Variants in MCF2 observed in about 807,000 individuals in gnomAD.
MCF2 encodes proto-oncogene DBL.
MCF2 carries 44 observed loss-of-function variants against 82.5 expected under a neutral mutation model. The ratio of observed to expected loss-of-function variants is 0.53; its 90% confidence interval spans 0.42 to 0.69. MCF2 has a LOEUF of 0.69. Ranked by LOEUF, MCF2 falls within the 30% of genes least tolerant of loss-of-function variation. The probability of loss-of-function intolerance (pLI) is 0.00; values close to 1 mark genes in which losing one functional copy is unlikely to be tolerated. For synonymous variants in MCF2, 217 were observed against 224.9 expected (o/e 0.96, Z 0.32); for missense variants, 623 against 663.1 (o/e 0.94, Z 0.66).
intron 12 of MCF2, 34 bp downstream of exon 16, chrX:139,607,657 T>C (rs752249961): frequency 5.1e-6 from 5 of 975,118 alleles, no homozygotes; most frequent in Non-Finnish European, 7.2e-6. Flanking sequence ...CAGTTAGATG[T>C]GTATGTGAGT....
Position 139,651,712 on chromosome X carries a change from T to C in MCF2, c.25+8A>G. 1.8e-6 allele frequency: 2 copies of C among 1,129,128 alleles called. No homozygotes were observed. The highest frequency in any genetic ancestry group is 2.4e-6 in the Non-Finnish European group (2 of 838,179). 93.1% of individuals were successfully genotyped at this position (1,129,128 alleles called of 1,213,427 possible). On this transcript the variant is annotated splice_region_variant and intron_variant, in intron 2 of 27. Coordinates refer to the MCF2 transcript ENST00000414978. ...CTATCTGGACTATATATAAGAAAGT[T>C]TGCTTACCAGACAAGAAGGCGATGT...
In MCF2 at chrX:139,656,916, G is replaced by GAT. The variant is rs57280223; in HGVS notation, c.-44-5130_-44-5129dup. Among the ~76,000 whole-genome samples, 486 of 112,203 alleles carry GAT rather than the reference G, an allele frequency of 4.3e-3. 5 individuals are homozygous for GAT. Among genetic ancestry groups the GAT allele is most frequent in the African/African-American group, 0.015 (460 of 30,923 alleles). ...ATTACAGCATGTTCCTTGTTGACTA[G>GAT]ATTTACGTTTGATAGGAAGGTTGTC... is the stretch of plus-strand genomic sequence containing the variant. On this transcript the variant is annotated intron_variant, in intron 1 of 27. Coordinates refer to the MCF2 transcript ENST00000414978.
chrX:139,645,078 T>C (rs192770261), upstream of MCF2, among the ~76,000 whole-genome samples: 333 of 110,788 alleles, frequency 3.0e-3, 2 homozygotes, highest in Non-Finnish European at 4.8e-3. Flanking sequence ...AGGGAAGTTA[T>C]ATATCATTTT....
chrX:139,630,094 C>A (rs1479081807), intron 3 of MCF2, among the ~76,000 whole-genome samples: 3 of 111,554 alleles, frequency 2.7e-5, no homozygotes, highest in African/African-American at 9.7e-5. Flanking sequence ...TGACTTATTT[C>A]TTGGACACTA....
intron 15 of MCF2, 132 bp from the exon 20 acceptor site, chrX:139,602,630 G>T: frequency 2.3e-6 from 1 of 435,371 alleles, no homozygotes; most frequent in Non-Finnish European, 4.0e-6. Flanking sequence ...ACTAGCAGCT[G>T]GTCAAAAGCC....
chrX:139,705,732 A>G (rs945528942), intron 1 of MCF2, among the ~76,000 whole-genome samples: 2 of 112,356 alleles, frequency 1.8e-5, no homozygotes, highest in African/African-American at 6.5e-5. Flanking sequence ...ATTAAACTAA[A>G]GAGCTTCTGT....
intron 24 of MCF2, among the ~76,000 whole-genome samples, chrX:139,584,249 C>A (rs1386121902): frequency 9.2e-6 from 1 of 108,243 alleles, no homozygotes; most frequent in African/African-American, 3.4e-5. Context: ...GATTCTCCTG[C>A]CTCAGCCTCC....
At chrX:139,613,434 T>G (rs913551733) in intron 10 of MCF2, among the ~76,000 whole-genome samples, 171 bp from the exon 14 acceptor site, 1 of 111,259 alleles carries the variant, frequency 9.0e-6, no homozygotes, top group African/African-American at 3.3e-5. Flanking sequence ...CTAGAAAGAG[T>G]TGAGATTTTA....
chrX:139,587,779 C>A, exon 22 of MCF2: 2 of 1,167,564 alleles, frequency 1.7e-6, no homozygotes, highest in African/African-American at 1.8e-5. Flanking sequence ...CTGTTGCTTT[C>A]TTTTTTTAAC....
At chrX:139,680,250 A>C (rs1363295901) in intron 1 of MCF2, among the ~76,000 whole-genome samples, 2 of 112,039 alleles carry the variant, frequency 1.8e-5, no homozygotes, top group Non-Finnish European at 3.8e-5. Flanking sequence ...AAGCCTTCTG[A>C]GTAGCTAGGA....
chrX:139,646,742 A>G (rs1040476970), upstream of MCF2: 5 of 620,649 alleles, frequency 8.1e-6, no homozygotes, highest in African/African-American at 2.3e-5. Context: ...ATTCAGATGG[A>G]TATCTGATAT....
chrX:139,653,178 C>A (rs1301456663), intron 1 of MCF2, among the ~76,000 whole-genome samples: 1 of 111,882 alleles, frequency 8.9e-6, no homozygotes, highest in Non-Finnish European at 1.9e-5. Context: ...ATAACAGCTA[C>A]AAACATGTGT....
chrX:139,614,338 C>A (rs190417920), intron 10 of MCF2, among the ~76,000 whole-genome samples: 7 of 111,608 alleles, frequency 6.3e-5, no homozygotes, highest in Non-Finnish European at 1.1e-4. Flanking sequence ...TTAGAAAAGG[C>A]AATCCATTTT....
chrX:139,615,013 G>C, exon 10 of MCF2: 1 of 1,208,948 alleles, frequency 8.3e-7, no homozygotes, highest in Non-Finnish European at 1.1e-6. Flanking sequence ...AATATACTTC[G>C]AATGTTTTCA....
At chrX:139,701,538 C>T (rs913180392) in intron 1 of MCF2, among the ~76,000 whole-genome samples, 2 of 111,884 alleles carry the variant, frequency 1.8e-5, no homozygotes, top group African/African-American at 6.5e-5. Flanking sequence ...CCAACTCCTG[C>T]CTGAGAATTT....
At chrX:139,665,918 TATATATATAC>T (rs201543687) in intron 1 of MCF2, among the ~76,000 whole-genome samples, 2,549 of 86,242 alleles carry the variant, frequency 0.03, 108 homozygotes, top group African/African-American at 0.12. Flanking sequence ...TATATATATA[TATATATATAC>T]ACACACACAC....
chrX:139,604,835 TA>T, intron 14 of MCF2, 33 bp downstream of exon 18: 1 of 1,078,160 alleles, frequency 9.3e-7, no homozygotes. Flanking sequence ...AATAGTTTTA[TA>T]AAAAATAAAT....
chrX:139,621,123 G>A (rs1188823737), intron 6 of MCF2, among the ~76,000 whole-genome samples: 2 of 111,119 alleles, frequency 1.8e-5, no homozygotes, highest in Non-Finnish European at 3.8e-5. Flanking sequence ...AACAAATGGT[G>A]CTGAGATAGC....
At chrX:139,650,399 G>C (rs1933958259) in intron 2 of MCF2, among the ~76,000 whole-genome samples, 1 of 111,327 alleles carries the variant, frequency 9.0e-6, no homozygotes, top group African/African-American at 3.3e-5. Flanking sequence ...AGATTGAAGT[G>C]TCTAATTAGG....
Sources: gnomAD v4.1 joint callset for allele counts (sites outside exome capture counted in the v4.1 genomes callset) on GRCh38, gnomAD v4.1.1 for gene constraint, MANE v1.5 for transcripts, NCBI Gene and HGNC (gene_info 2026-07-23, HGNC 2026-07-21) for gene names.